Variants in ROR1 observed in about 807,000 individuals in gnomAD.
ROR1 encodes ROR family WNT receptor 1.
Under a neutral mutation model 78.8 loss-of-function variants are expected in ROR1, and 19 were observed. The observed-to-expected ratio is 0.24, with a 90% CI of 0.17 to 0.35. The LOEUF (loss-of-function observed/expected upper bound fraction) is 0.35, where lower values mean the gene tolerates loss of function less well. Among genes scored for constraint, ROR1 ranks in the 10% least tolerant of loss-of-function variants. The pLI is 1.00. For synonymous variants in ROR1, 386 were observed against 433.6 expected, an observed-to-expected ratio of 0.89 and a Z score of 1.36; for missense variants, 917 against 1,177.8, an observed-to-expected ratio of 0.78 and a Z score of 3.24.
At chr1:63,924,733 A>T (rs1645685392) in intron 1 of ROR1, among the ~76,000 whole-genome samples, 1 of 152,230 alleles carries the variant, frequency 6.6e-6, no homozygotes, top group Non-Finnish European at 1.5e-5. Context: ...TTTTCCATTG[A>T]AACAAGTATT....
intron 1 of ROR1, among the ~76,000 whole-genome samples, chr1:63,922,237 T>G (rs1040436970): frequency 1.3e-5 from 2 of 152,222 alleles, no homozygotes; most frequent in Non-Finnish European, 2.9e-5. Flanking sequence ...TTACTTAATC[T>G]TCACAACACT....
At chr1:64,039,259 A>T (rs1646726921) in intron 2 of ROR1, among the ~76,000 whole-genome samples, 1 of 152,198 alleles carries the variant, frequency 6.6e-6, no homozygotes, top group Non-Finnish European at 1.5e-5. Context: ...AAAACATGAA[A>T]CTGGAGTGTC....
At chr1:63,992,726 G>A (rs1646305930) in intron 1 of ROR1, among the ~76,000 whole-genome samples, 1 of 152,142 alleles carries the variant, frequency 6.6e-6, no homozygotes. Flanking sequence ...CCACCAAAAT[G>A]AAGATAATAA....
At chr1:63,840,548 C>G (rs1645043684) in intron 1 of ROR1, among the ~76,000 whole-genome samples, 1 of 152,086 alleles carries the variant, frequency 6.6e-6, no homozygotes, top group African/African-American at 2.4e-5. Context: ...TCCCAAAGTG[C>G]TGGGATTACA....
chr1:64,063,306 G>A (rs558477169), intron 4 of ROR1, among the ~76,000 whole-genome samples: 1 of 152,290 alleles, frequency 6.6e-6, no homozygotes, highest in East Asian at 1.9e-4. Flanking sequence ...TCGTGGTTTA[G>A]GGAGGAGATC....
chr1:64,003,306 A>G (rs1055393832), intron 1 of ROR1, among the ~76,000 whole-genome samples: 42 of 152,164 alleles, frequency 2.8e-4, no homozygotes, highest in African/African-American at 9.9e-4. Flanking sequence ...CATCACATAT[A>G]TAAGAATTAT....
rs574901493 is a variant in ROR1 at position 64,030,873 on chromosome 1, G to GTA, written c.164-18817_164-18816insAT. Among the ~76,000 whole-genome samples the GTA allele has an allele frequency of 8.9e-4, 136 of 152,218 alleles. 1 individual carries two copies. The highest frequency in any genetic ancestry group is 5.3e-4 in the Non-Finnish European group (36 of 68,020). On this transcript the variant is annotated intron_variant, in intron 2 of 8. Transcript: ENST00000371079. ...GGTCCAGTGAATTAGGGGTGTGTGT[G>GTA]TGTATGTATGTGTGTGTACATATGT... is the stretch of plus-strand genomic sequence containing the variant.
chr1:64,177,593 A>G lies in ROR1; in HGVS notation c.1552A>G (p.Thr518Ala). 3.7e-6 allele frequency: 6 copies of G among 1,614,204 alleles called. No individual in the cohort carries two copies. The highest frequency in any genetic ancestry group is 2.2e-5 in the East Asian group (1 of 44,872). ...AGACTATAACAACCCCCAGCAATGG[A>G]CGGAATTTCAACAAGAAGCCTCCCT... ...LKDYNNPQQWTEFQQEASLMA... is the reference protein window; with the variant it reads ...LKDYNNPQQWAEFQQEASLMA... Residue 518 changes from threonine (T) to alanine (A), a missense_variant, in exon 9 of 9, where the codon ACG becomes GCG. Coordinates refer to ENST00000371079, the MANE Select transcript of ROR1 (RefSeq NM_005012.4).
chr1:63,848,874 A>C (rs1396404080), intron 1 of ROR1, among the ~76,000 whole-genome samples: 1 of 152,206 alleles, frequency 6.6e-6, no homozygotes, highest in Non-Finnish European at 1.5e-5. Flanking sequence ...TTAGAATCTT[A>C]ATGTACTCAG....
At chr1:63,803,304 C>T (rs563589063) in intron 1 of ROR1, among the ~76,000 whole-genome samples, 191 of 151,654 alleles carry the variant, frequency 1.3e-3, no homozygotes, top group African/African-American at 4.3e-3. Flanking sequence ...TTAAGAGGGC[C>T]GAGTATGGTA....
intron 1 of ROR1, among the ~76,000 whole-genome samples, chr1:63,949,911 C>T (rs1440583789): frequency 2.0e-5 from 3 of 152,086 alleles, no homozygotes; most frequent in African/African-American, 7.2e-5. Flanking sequence ...AGACGACATT[C>T]GTAAACATAC....
chr1:63,939,517 A>G (rs979029495), intron 1 of ROR1, among the ~76,000 whole-genome samples: 3 of 152,210 alleles, frequency 2.0e-5, no homozygotes, highest in African/African-American at 7.2e-5. Context: ...AAAAATTTCC[A>G]GGCATATCAA....
At chr1:63,812,163 C>T (rs780347358) in intron 1 of ROR1, among the ~76,000 whole-genome samples, 5 of 151,976 alleles carry the variant, frequency 3.3e-5, no homozygotes, top group Admixed American at 6.6e-5. Flanking sequence ...GATTTCACCA[C>T]GTTGGCCAGG....
chr1:63,924,989 TTTTC>T (rs1005974842), intron 1 of ROR1, among the ~76,000 whole-genome samples: 3 of 150,568 alleles, frequency 2.0e-5, no homozygotes, highest in South Asian at 2.1e-4. Flanking sequence ...GATGACACCT[TTTTC>T]TTTCTTTATT....
intron 1 of ROR1, among the ~76,000 whole-genome samples, chr1:63,887,259 T>C (rs1213755410): frequency 6.6e-6 from 1 of 152,172 alleles, no homozygotes; most frequent in Non-Finnish European, 1.5e-5. Context: ...CCATGCTTGT[T>C]CACCCTGAGT....
intron 2 of ROR1, among the ~76,000 whole-genome samples, chr1:64,042,422 A>C (rs1646751993): frequency 6.6e-6 from 1 of 152,192 alleles, no homozygotes; most frequent in African/African-American, 2.4e-5. Flanking sequence ...AGCAAGTAAA[A>C]GGTGATGCTC....
At chr1:63,992,797 A>G (rs1646306515) in intron 1 of ROR1, among the ~76,000 whole-genome samples, 1 of 152,194 alleles carries the variant, frequency 6.6e-6, no homozygotes, top group Admixed American at 6.5e-5. Flanking sequence ...ATGGATAGAT[A>G]GCATGTTATT....
intron 4 of ROR1, among the ~76,000 whole-genome samples, chr1:64,123,772 T>A (rs1385521053): frequency 6.6e-6 from 1 of 152,164 alleles, no homozygotes; most frequent in African/African-American, 2.4e-5. Flanking sequence ...TCCCCATTGA[T>A]GGTAGAAATA....
chr1:63,904,682 C>T (rs2100408093), intron 1 of ROR1, among the ~76,000 whole-genome samples: 1 of 152,244 alleles, frequency 6.6e-6, no homozygotes, highest in South Asian at 2.1e-4. Flanking sequence ...TTAGGGTGAG[C>T]CCTAATCCTA....
Sources: allele counts gnomAD v4.1 joint callset (sites outside exome capture counted in the v4.1 genomes callset), GRCh38; gene constraint gnomAD v4.1.1; transcripts MANE v1.5; gene names NCBI Gene and HGNC (gene_info 2026-07-23, HGNC 2026-07-21).